Variants in REL observed in about 807,000 individuals in gnomAD.
The protein encoded by REL is REL proto-oncogene, NF-kB subunit.
REL carries 15 observed loss-of-function variants against 45.9 expected under a neutral mutation model. The observed-to-expected ratio is 0.33, with a 90% CI of 0.22 to 0.50. The LOEUF (loss-of-function observed/expected upper bound fraction) is 0.50, where lower values mean the gene tolerates loss of function less well. REL is among the 20% of genes least tolerant of loss of function. The pLI is 0.98. For synonymous variants in REL, 239 were observed against 242.1 expected (o/e 0.99, Z 0.12); for missense variants, 601 against 715.2 (o/e 0.84, Z 1.82).
At chr2:60,899,539 T>C (rs1350270752) in intron 3 of REL, 1 of 152,264 alleles carries the variant, frequency 6.6e-6, no homozygotes, top group Non-Finnish European at 1.5e-5. Flanking sequence ...AGGAAGGAAA[T>C]GTGAAAGATA....
chr2:60,910,741 G>T (rs1172727568), intron 4 of REL, among the ~76,000 whole-genome samples: 1 of 151,996 alleles, frequency 6.6e-6, no homozygotes, highest in Non-Finnish European at 1.5e-5. Context: ...AGACCACCTT[G>T]GCCAACATGG....
At chr2:60,902,044 C>T (rs1209579906) in intron 4 of REL, among the ~76,000 whole-genome samples, 3 of 152,084 alleles carry the variant, frequency 2.0e-5, no homozygotes, top group African/African-American at 7.2e-5. Context: ...GCATCCTATA[C>T]TTAGAGTAGC....
chr2:60,930,790 C>G lies in REL; in HGVS notation c.*8255C>G, dbSNP rs1046441300. The G allele has an allele frequency of 2.0e-5, 3 of 152,298 alleles. No individual in the cohort carries two copies. The highest frequency in any genetic ancestry group is 7.2e-5 in the African/African-American group (3 of 41,446). The allele number at this position is 152,298 out of a possible 1,614,324, so 9.4% of individuals were successfully genotyped here. On this transcript the variant is annotated 3_prime_UTR_variant, in exon 10 of 10. Transcript: ENST00000394479. ...TTAAAGATGTAGAATTTATTATCCTCTAATATTCTTATCAGTTGTTTCCAC... is the reference window on the plus strand; with the variant it reads ...TTAAAGATGTAGAATTTATTATCCTGTAATATTCTTATCAGTTGTTTCCAC...
Position 60,918,447 on chromosome 2 carries a change from T to C in REL, c.694T>C (p.Ser232Pro). Residue 232 changes from serine to proline, a missense_variant, in exon 7 of 10, where the codon TCA (serine) becomes CCA (proline). Physicochemically the swap from Ser to Pro is moderately conservative, Grantham distance 74. Transcript: ENST00000394479. Reference protein sequence around the residue: ...LNDWEAKGIFSQADVHRQVAI... With the variant: ...LNDWEAKGIFPQADVHRQVAI... Reference sequence around the variant, plus strand: ...CGATTGGGAAGCAAAAGGCATCTTTTCACAAGCTGATGTACACCGTCAAGT... The same window carrying C: ...CGATTGGGAAGCAAAAGGCATCTTTCCACAAGCTGATGTACACCGTCAAGT... 2 of 1,614,142 alleles carry C rather than the reference T, an allele frequency of 1.2e-6. No individual in the cohort carries two copies. The highest frequency in any genetic ancestry group is 1.7e-6 in the Non-Finnish European group (2 of 1,180,004).
At chr2:60,897,967 G>A (rs1300240409) in intron 3 of REL, among the ~76,000 whole-genome samples, 2 of 151,532 alleles carry the variant, frequency 1.3e-5, no homozygotes, top group South Asian at 2.1e-4. Context: ...CCAATGTGCC[G>A]TATGTTAGTG....
intron 3 of REL, among the ~76,000 whole-genome samples, chr2:60,895,182 CTTA>C (rs948331599): frequency 1.3e-5 from 2 of 150,968 alleles, no homozygotes; most frequent in African/African-American, 2.4e-5. Flanking sequence ...TTATAGTTAA[CTTA>C]TTATTATTAT....
At chr2:60,889,317 C>T (rs898693692) in intron 1 of REL, among the ~76,000 whole-genome samples, 1 of 151,830 alleles carries the variant, frequency 6.6e-6, no homozygotes, top group Non-Finnish European at 1.5e-5. Context: ...TTTGTTAGTG[C>T]TTTCCTTCCT....
chr2:60,917,573 A>C (rs536460813), intron 5 of REL, among the ~76,000 whole-genome samples: 1 of 133,038 alleles, frequency 7.5e-6, no homozygotes, highest in Non-Finnish European at 1.5e-5. Flanking sequence ...TCTGTCACCC[A>C]GGCTGGAGTG....
rs1298821198 is a variant in REL at position 60,926,850 on chromosome 2, G to A, written c.*4315G>A. On this transcript the variant is annotated 3_prime_UTR_variant, in exon 10 of 10. Coordinates refer to ENST00000394479, the MANE Select transcript of REL (RefSeq NM_001291746.2). Reference sequence around the variant, plus strand: ...AATTCCTGCTGCCTTCTTAGTAAAGGCCTTCATTCTTTTTTCCCTAGTAAT... The same window carrying A: ...AATTCCTGCTGCCTTCTTAGTAAAGACCTTCATTCTTTTTTCCCTAGTAAT... The A allele has an allele frequency of 4.4e-6, 1 of 226,266 alleles. No homozygotes were observed. Among genetic ancestry groups the A allele is most frequent in the African/African-American group, 2.2e-5 (1 of 44,876 alleles). The allele number at this position is 226,266 out of a possible 1,614,324, so 14.0% of individuals were successfully genotyped here.
At chr2:60,898,016 C>G (rs527941779) in intron 3 of REL, among the ~76,000 whole-genome samples, 2 of 152,262 alleles carry the variant, frequency 1.3e-5, no homozygotes, top group African/African-American at 4.8e-5. Context: ...CTCTGACATT[C>G]CTCATCCAGG....
At chr2:60,888,503 T>A (rs1673126522) in intron 1 of REL, among the ~76,000 whole-genome samples, 1 of 152,234 alleles carries the variant, frequency 6.6e-6, no homozygotes. Flanking sequence ...GGGTATGAAA[T>A]ATTTGAAATT....
At chr2:60,894,259 C>T (rs1003710687) in intron 2 of REL, 138 bp from the exon 3 acceptor site, 2 of 467,834 alleles carry the variant, frequency 4.3e-6, no homozygotes, top group Non-Finnish European at 7.4e-6. Context: ...TTCATCTAAA[C>T]TGCAGTTGTT....
At chr2:60,919,680 C>T (rs1674082067) in intron 7 of REL, among the ~76,000 whole-genome samples, 2 of 152,160 alleles carry the variant, frequency 1.3e-5, no homozygotes, top group African/African-American at 4.8e-5. Flanking sequence ...CCACCTCAGC[C>T]TCCCAAAGTG....
At chr2:60,887,334 G>T (rs1039949733) in intron 1 of REL, among the ~76,000 whole-genome samples, 5 of 151,782 alleles carry the variant, frequency 3.3e-5, no homozygotes, top group Non-Finnish European at 7.4e-5. Context: ...TTTTTCCTTA[G>T]TAGTGGAATC....
At chr2:60,881,883 G>A (rs374933196) in intron 1 of REL, 33 bp downstream of exon 1, 1 of 1,434,392 alleles carries the variant, frequency 7.0e-7, no homozygotes, top group Admixed American at 2.6e-5. Flanking sequence ...CCTGGGCCGG[G>A]GGAAAGGAGC....
chr2:60,917,048 C>T (rs769463593), intron 5 of REL, 31 bp downstream of exon 5: 6 of 1,563,724 alleles, frequency 3.8e-6, no homozygotes, highest in Non-Finnish European at 5.2e-6. Flanking sequence ...TATTTGTAGT[C>T]TTAACTTGTT....
chr2:60,892,538 C>G (rs902537720), intron 2 of REL, among the ~76,000 whole-genome samples: 6 of 152,158 alleles, frequency 3.9e-5, no homozygotes, highest in Admixed American at 2.0e-4. Flanking sequence ...AAGTGATTCT[C>G]CTGCCTCAGC....
At position 60,906,915 on chromosome 2, in the gene REL, T is replaced by TA. The variant is rs1558805877; in HGVS notation, c.394+5832_394+5833insA. On this transcript the variant is annotated intron_variant, in intron 4 of 9. Coordinates refer to ENST00000394479, the MANE Select transcript of REL (RefSeq NM_001291746.2). ...TGTGTATATATATATATATATATATTTTTTTTTTTTTTTTCTTTTCCGAGA... is the reference window on the plus strand; with the variant it reads ...TGTGTATATATATATATATATATATTATTTTTTTTTTTTTTCTTTTCCGAGA... Among the ~76,000 whole-genome samples the TA allele has an allele frequency of 3.5e-3, 364 of 103,414 alleles. 1 individual carries two copies. The highest frequency in any genetic ancestry group is 0.013 in the African/African-American group (275 of 21,528). 67.8% of individuals were successfully genotyped at this position (103,414 alleles called of 152,430 possible).
chr2:60,917,115 A>T, intron 5 of REL, 98 bp downstream of exon 5: 1 of 1,041,074 alleles, frequency 9.6e-7, no homozygotes, highest in Non-Finnish European at 1.4e-6. Flanking sequence ...CAATATATTC[A>T]TGATAGGAAA....
Sources: allele counts gnomAD v4.1 joint callset (sites outside exome capture counted in the v4.1 genomes callset), GRCh38; gene constraint gnomAD v4.1.1; transcripts MANE v1.5; gene names NCBI Gene and HGNC (gene_info 2026-07-23, HGNC 2026-07-21).